GLI2: variants seen among roughly 807,000 people sequenced by gnomAD.
GLI2 encodes GLI family zinc finger 2, also known as transcription activator GLI2.
A neutral mutation model predicts 78.9 loss-of-function variants in GLI2; 22 were observed. The observed-to-expected ratio is 0.28, with a 90% CI of 0.20 to 0.40. GLI2 has a LOEUF of 0.40. Among genes scored for constraint, GLI2 ranks in the 10% least tolerant of loss-of-function variants. The pLI, the probability that GLI2 is intolerant of heterozygous loss-of-function variation, is 1.00. For missense variants in GLI2, 2,097 were observed against 2,213.2 expected, an observed-to-expected ratio of 0.95 and a Z score of 1.05; for synonymous variants, 974 against 963.7, an observed-to-expected ratio of 1.01 and a Z score of -0.20.
At chr2:120,884,335 TTGGGACCAAG>T (rs1677295673) in intron 2 of GLI2, among the ~76,000 whole-genome samples, 1 of 152,178 alleles carries the variant, frequency 6.6e-6, no homozygotes, top group Admixed American at 6.5e-5. Context: ...TATTGCAGTC[TTGGGACCAAG>T]TGCCACTAAA....
Position 120,937,916 on chromosome 2 carries a change from T to C in GLI2, c.254+10450T>C, listed in dbSNP as rs866190791. On this transcript the variant is annotated intron_variant, in intron 3 of 13. Transcript: ENST00000361492. ...GGCCACCCAGGCCCTTTCTCATCAC[T>C]AAAACCCAGGCCTCCAGTGAAATAT... Among the ~76,000 whole-genome samples the C allele has an allele frequency of 2.6e-5, 4 of 152,116 alleles. 1 individual carries two copies. Among genetic ancestry groups the C allele is most frequent in the South Asian group, 4.1e-4 (2 of 4,826 alleles).
At chr2:120,891,852 T>G (rs1372959341) in intron 2 of GLI2, among the ~76,000 whole-genome samples, 2 of 152,188 alleles carry the variant, frequency 1.3e-5, no homozygotes, top group Admixed American at 6.5e-5. Flanking sequence ...ATTTACTCAG[T>G]CCAGATACCT....
chr2:120,876,441 C>T (rs2104694845), intron 2 of GLI2, among the ~76,000 whole-genome samples: 1 of 152,320 alleles, frequency 6.6e-6, no homozygotes, highest in African/African-American at 2.4e-5. Flanking sequence ...CTCCGCTCAG[C>T]TGCTCCAGCA....
In GLI2 at chr2:120,865,664, T is replaced by C. The variant is rs1573502932; in HGVS notation, c.149-61697T>C. Reference sequence around the variant, plus strand: ...ATCCCTTTGCAACCCCATGGCCCTATAGAAGTGTCGCTGAAGCAGCGTCTG... The same window carrying C: ...ATCCCTTTGCAACCCCATGGCCCTACAGAAGTGTCGCTGAAGCAGCGTCTG... On this transcript the variant is annotated intron_variant, in intron 2 of 13. Transcript: ENST00000361492. 2.0e-5 allele frequency among the ~76,000 whole-genome samples: 3 copies of C among 152,314 alleles called. No homozygotes were observed. The South Asian group carries it at 6.2e-4, about 32-fold the overall frequency.
intron 1 of GLI2, among the ~76,000 whole-genome samples, chr2:120,752,062 CTG>C (rs1682889114): frequency 6.6e-6 from 1 of 152,108 alleles, no homozygotes; most frequent in African/African-American, 2.4e-5. Flanking sequence ...GTGAGTATGC[CTG>C]TGTCTCCATT....
chr2:120,954,394 T>C (rs1346428719), intron 4 of GLI2, among the ~76,000 whole-genome samples: 2 of 152,094 alleles, frequency 1.3e-5, no homozygotes, highest in African/African-American at 4.8e-5. Flanking sequence ...TCTTGGGAGA[T>C]GCAGCAGGAG....
Position 120,984,363 on chromosome 2 carries a change from C to G in GLI2, c.1633-108C>G, listed in dbSNP as rs1682865215. On this transcript the variant is annotated intron_variant, in intron 11 of 13. Coordinates refer to ENST00000361492, the MANE Select transcript of GLI2 (RefSeq NM_001374353.1). ...ACACAGCACCTACTGACGTTGCCAGCTGGGCTCTGCTGAGGGGCGTGGGTA... is the reference window on the plus strand; with the variant it reads ...ACACAGCACCTACTGACGTTGCCAGGTGGGCTCTGCTGAGGGGCGTGGGTA... 2.6e-6 allele frequency: 3 copies of G among 1,168,858 alleles called. No homozygotes were observed. In the African/African-American group the frequency reaches 4.5e-5, roughly 18 times the overall value. 72.4% of individuals were successfully genotyped at this position (1,168,858 alleles called of 1,614,324 possible). A position where few individuals can be genotyped will look rare whatever the true frequency, so the allele number is the denominator to read the frequency against.
chr2:120,923,389 C>T (rs927584855), intron 2 of GLI2, among the ~76,000 whole-genome samples: 1 of 152,094 alleles, frequency 6.6e-6, no homozygotes, highest in African/African-American at 2.4e-5. Context: ...CACAGCAACA[C>T]ATGCATACAA....
chr2:120,899,010 C>T (rs1678114246), intron 2 of GLI2, among the ~76,000 whole-genome samples: 1 of 152,162 alleles, frequency 6.6e-6, no homozygotes, highest in Non-Finnish European at 1.5e-5. Context: ...CGGTGGAGTC[C>T]TTTTTCCTCT....
chr2:120,970,756 G>A (rs1470814744), intron 7 of GLI2, 150 bp downstream of exon 7: 2 of 678,642 alleles, frequency 2.9e-6, no homozygotes. Flanking sequence ...CCACGTTACA[G>A]AAAGGGTGAG....
At chr2:120,851,072 C>T (rs1687384239) in intron 2 of GLI2, among the ~76,000 whole-genome samples, 1 of 152,128 alleles carries the variant, frequency 6.6e-6, no homozygotes, top group Non-Finnish European at 1.5e-5. Context: ...ATACGCAGAT[C>T]TTTTCTCAGC....
At chr2:120,960,738 G>C (rs1156282206) in intron 5 of GLI2, among the ~76,000 whole-genome samples, 1 of 152,184 alleles carries the variant, frequency 6.6e-6, no homozygotes, top group African/African-American at 2.4e-5. Flanking sequence ...AGGCCTCTAC[G>C]GGGCTCTTGT....
At chr2:120,817,277 T>G (rs1685540472) in intron 2 of GLI2, among the ~76,000 whole-genome samples, 1 of 152,192 alleles carries the variant, frequency 6.6e-6, no homozygotes, top group Non-Finnish European at 1.5e-5. Context: ...GGCCTCGGTA[T>G]GAAGCCACCC....
In GLI2 at chr2:120,988,730, G is replaced by T. The variant is rs745984071; in HGVS notation, c.2765G>T (p.Arg922Leu). The change falls in exon 14 of 14, where the codon CGT (arginine) becomes CTT (leucine). Residue 922 changes from arginine (R) to leucine (L), a missense_variant. Around this residue, in one of 5 missense-constraint regions of GLI2, gnomAD observed 1,290 missense variants for 1,261.7 expected, o/e 1.02. Coordinates refer to ENST00000361492, the MANE Select transcript of GLI2 (RefSeq NM_001374353.1). Reference protein sequence around the residue: ...AGCPRPLGPRRGSDGPTYGHG... With the variant: ...AGCPRPLGPRLGSDGPTYGHG... ...TGCCCACGCCCACTGGGGCCGCGGC[G>T]TGGCAGCGACGGGCCGACCTATGGC... The T allele has an allele frequency of 8.4e-7, 1 of 1,197,348 alleles. No homozygotes were observed. The highest frequency in any genetic ancestry group is 1.6e-5 in the African/African-American group (1 of 60,804). 74.2% of individuals were successfully genotyped at this position (1,197,348 alleles called of 1,614,324 possible). A position where few individuals can be genotyped will look rare whatever the true frequency, so the allele number is the denominator to read the frequency against.
chr2:120,982,878 G>C lies in GLI2; in HGVS notation c.1630G>C (p.Glu544Gln), dbSNP rs772471844. 4 of 1,613,812 alleles carry C rather than the reference G, an allele frequency of 2.5e-6. No homozygotes were observed. The highest frequency in any genetic ancestry group is 3.4e-6 in the Non-Finnish European group (4 of 1,179,878). Residue 544 changes from glutamate to glutamine, a missense_variant and splice_region_variant, in exon 11 of 14, where the codon GAG becomes CAG. By Grantham distance (29) the Glu-to-Gln change is conservative. Transcript: ENST00000361492. ...GCACCAGAATCGCACCCACTCCAAC[G>C]AGGTACCTCTGCGGGGCATGCACTG... Reference protein sequence around the residue: ...AKHQNRTHSNEKPYICKIPGC... With the variant: ...AKHQNRTHSNQKPYICKIPGC...
chr2:120,988,956 C>T lies in GLI2; in HGVS notation c.2991C>T (p.Ser997=). Residue 997 remains serine (S), a synonymous_variant, in exon 14 of 14, where the codon AGC becomes AGT. Transcript: ENST00000361492. ...RRGLRLQSHP[S]TDGGLARGAY... ...GCCTCCGCCTGCAGAGCCACCCGAG[C>T]ACCGACGGCGGCCTGGCCCGCGGCG... is the stretch of plus-strand genomic sequence containing the variant. 1 of 1,540,926 alleles carries T rather than the reference C, an allele frequency of 6.5e-7. No homozygotes were observed. The highest frequency in any genetic ancestry group is 8.7e-7 in the Non-Finnish European group (1 of 1,148,648).
intron 2 of GLI2, among the ~76,000 whole-genome samples, chr2:120,798,453 G>A (rs116339855): frequency 0.011 from 1,699 of 152,334 alleles, 31 homozygotes; most frequent in African/African-American, 0.039. Flanking sequence ...AAAGACCCTC[G>A]GAGGGGCTTA....
chr2:120,927,499 G>C (rs746179300), intron 3 of GLI2, 33 bp downstream of exon 3: 62 of 1,440,730 alleles, frequency 4.3e-5, no homozygotes, highest in Non-Finnish European at 5.6e-5. Flanking sequence ...TGCTCCTGGC[G>C]TGCAGTCACC....
At position 120,989,395 on chromosome 2, in the gene GLI2, G is replaced by A. The variant is rs781094176; in HGVS notation, c.3430G>A (p.Val1144Met). The change falls in exon 14 of 14, where the codon GTG becomes ATG. Residue 1144 changes from valine (V) to methionine (M), a missense_variant. Transcript: ENST00000361492. ...CACCGTAGACGCCCTGGCCAGCCAGGTGAAGCCTCCACCCTTTCCTCAGGG... is the reference window on the plus strand; with the variant it reads ...CACCGTAGACGCCCTGGCCAGCCAGATGAAGCCTCCACCCTTTCCTCAGGG... ...SGTVDALASQ[V>M]KPPPFPQGNL... The A allele has an allele frequency of 6.2e-7, 1 of 1,613,046 alleles. No individual in the cohort carries two copies. The highest frequency in any genetic ancestry group is 1.7e-5 in the Admixed American group (1 of 60,028).
Sources: gnomAD v4.1 joint callset for allele counts (sites outside exome capture counted in the v4.1 genomes callset) on GRCh38, gnomAD v4.1.1 for gene constraint, gnomAD v4.1.1 regional missense constraint, MANE v1.5 for transcripts, NCBI Gene and HGNC (gene_info 2026-07-23, HGNC 2026-07-21) for gene names.